SULF1: variants seen among roughly 807,000 people sequenced by gnomAD.
SULF1 encodes extracellular sulfatase Sulf-1.
SULF1 carries 46 observed loss-of-function variants against 110.5 expected under a neutral mutation model. That is an observed-to-expected ratio of 0.42 (90% CI 0.33 to 0.53). The LOEUF is 0.53. Ranked by LOEUF, SULF1 falls within the 20% of genes least tolerant of loss-of-function variation. SULF1 has a pLI of 0.12. For synonymous variants in SULF1, 371 were observed against 387.1 expected (o/e 0.96, Z 0.49); for missense variants, 941 against 1,094.2 (o/e 0.86, Z 1.98).
At chr8:69,497,053 A>G (rs1000610050) in intron 2 of SULF1, among the ~76,000 whole-genome samples, 5 of 152,120 alleles carry the variant, frequency 3.3e-5, no homozygotes, top group Admixed American at 3.3e-4. Context: ...GAGTTTTCTA[A>G]TGAGCACACT....
At chr8:69,547,282 T>G (rs1814334853) in intron 3 of SULF1, among the ~76,000 whole-genome samples, 1 of 152,172 alleles carries the variant, frequency 6.6e-6, no homozygotes. Flanking sequence ...AATATTTTCC[T>G]GAACTGTGAT....
At chr8:69,568,067 T>G (rs1804922916) in intron 5 of SULF1, among the ~76,000 whole-genome samples, 1 of 152,224 alleles carries the variant, frequency 6.6e-6, no homozygotes. Flanking sequence ...ATTGTCACTT[T>G]GATATGGTTA....
intron 22 of SULF1, among the ~76,000 whole-genome samples, chr8:69,655,333 G>A (rs1038360899): frequency 2.0e-5 from 3 of 152,288 alleles, no homozygotes; most frequent in Non-Finnish European, 2.9e-5. Flanking sequence ...CTCATTTTAT[G>A]AGCCCCAGTG....
intron 3 of SULF1, among the ~76,000 whole-genome samples, chr8:69,524,333 C>G (rs1272993535): frequency 1.3e-5 from 2 of 152,068 alleles, no homozygotes; most frequent in Non-Finnish European, 2.9e-5. Flanking sequence ...GTACAGGAAA[C>G]ATGGTGCTGG....
chr8:69,589,035 T>C lies in SULF1; in HGVS notation c.628T>C (p.Tyr210His). ...INYFKMSKRM[Y>H]PHRPVMMVIS... ...TTACTTCAAAATGTCTAAGAGAATG[T>C]ATCCCCATAGGCCCGTTATGATGGT... Residue 210 changes from tyrosine to histidine, a missense_variant, in exon 8 of 23, where the codon TAT becomes CAT. Coordinates refer to ENST00000402687, the MANE Select transcript of SULF1 (RefSeq NM_001128205.2). The C allele has an allele frequency of 1.9e-6, 3 of 1,614,220 alleles. No homozygotes were observed. The highest frequency in any genetic ancestry group is 2.5e-6 in the Non-Finnish European group (3 of 1,180,006).
intron 8 of SULF1, among the ~76,000 whole-genome samples, chr8:69,592,511 C>T (rs763139866): frequency 2.6e-5 from 4 of 152,192 alleles, no homozygotes; most frequent in Non-Finnish European, 5.9e-5. Context: ...TAGAGGCTAA[C>T]GAGCCTGGTT....
At chr8:69,484,189 T>A (rs1316969214) in intron 1 of SULF1, among the ~76,000 whole-genome samples, 1 of 152,214 alleles carries the variant, frequency 6.6e-6, no homozygotes, top group Non-Finnish European at 1.5e-5. Flanking sequence ...TTTCCTCATA[T>A]TTAGTAATTT....
intron 3 of SULF1, among the ~76,000 whole-genome samples, chr8:69,545,629 TTTTA>T (rs1416951318): frequency 6.6e-6 from 1 of 152,168 alleles, no homozygotes; most frequent in Non-Finnish European, 1.5e-5. Context: ...ACCCACACTC[TTTTA>T]TTTCTTTTGT....
At chr8:69,629,355 T>C in intron 18 of SULF1, 149 bp from the exon 19 acceptor site, 2 of 765,970 alleles carry the variant, frequency 2.6e-6, no homozygotes, top group Non-Finnish European at 2.0e-6. Context: ...TTCCTGATTC[T>C]ATTTTAAGTC....
intron 1 of SULF1, among the ~76,000 whole-genome samples, chr8:69,494,213 C>T (rs749540504): frequency 6.6e-5 from 10 of 152,234 alleles, no homozygotes; most frequent in Non-Finnish European, 1.5e-4. Flanking sequence ...TCATCTTTAC[C>T]TCTAGATGAA....
intron 1 of SULF1, among the ~76,000 whole-genome samples, chr8:69,494,496 G>A (rs1186621808): frequency 6.6e-6 from 1 of 151,734 alleles, no homozygotes; most frequent in African/African-American, 2.4e-5. Context: ...ATTCTCTGTG[G>A]CTCCCATGAA....
At chr8:69,648,334 A>G (rs1254638117) in intron 22 of SULF1, among the ~76,000 whole-genome samples, 2 of 152,178 alleles carry the variant, frequency 1.3e-5, no homozygotes, top group African/African-American at 4.8e-5. Flanking sequence ...AACAAACTAC[A>G]TATAATGCTT....
At chr8:69,503,227 A>G (rs1810937539) in intron 3 of SULF1, among the ~76,000 whole-genome samples, 1 of 152,222 alleles carries the variant, frequency 6.6e-6, no homozygotes, top group Non-Finnish European at 1.5e-5. Flanking sequence ...AAAGTGTATA[A>G]GACAGGTTAG....
chr8:69,555,594 T>C (rs556288385), intron 3 of SULF1, among the ~76,000 whole-genome samples: 2 of 152,146 alleles, frequency 1.3e-5, no homozygotes, highest in Admixed American at 6.5e-5. Context: ...GAGGCATAAG[T>C]TGCAGTGAGC....
intron 13 of SULF1, among the ~76,000 whole-genome samples, chr8:69,614,630 T>C (rs2130497967): frequency 6.6e-6 from 1 of 152,362 alleles, no homozygotes; most frequent in South Asian, 2.1e-4. Flanking sequence ...CTTCATCAGG[T>C]GTTATTTATA....
chr8:69,564,377 G>A (rs899466535), intron 5 of SULF1, among the ~76,000 whole-genome samples: 2 of 152,170 alleles, frequency 1.3e-5, no homozygotes, highest in Non-Finnish European at 2.9e-5. Flanking sequence ...TGGGGGAGTA[G>A]GACAATGGAG....
chr8:69,507,492 C>A (rs1424688170), intron 3 of SULF1, among the ~76,000 whole-genome samples: 1 of 152,152 alleles, frequency 6.6e-6, no homozygotes, highest in East Asian at 1.9e-4. Flanking sequence ...CACAAGAGTG[C>A]ATCATAATTA....
intron 1 of SULF1, among the ~76,000 whole-genome samples, chr8:69,478,364 C>T (rs1809387878): frequency 1.3e-5 from 2 of 152,164 alleles, no homozygotes; most frequent in Non-Finnish European, 1.5e-5. Context: ...TCCCAATTTT[C>T]TGCAGCATCC....
chr8:69,475,253 T>A (rs1227799756), intron 1 of SULF1, among the ~76,000 whole-genome samples: 1 of 152,080 alleles, frequency 6.6e-6, no homozygotes. Context: ...GTAGAGAGGT[T>A]GGACTTGATA....
Sources: gnomAD v4.1 joint callset for allele counts (sites outside exome capture counted in the v4.1 genomes callset) on GRCh38, gnomAD v4.1.1 for gene constraint, MANE v1.5 for transcripts, NCBI Gene and HGNC (gene_info 2026-07-23, HGNC 2026-07-21) for gene names.